Variants in RNF150 observed in about 807,000 individuals in gnomAD.
The protein encoded by RNF150 is ring finger protein 150.
Under a neutral mutation model 39.3 loss-of-function variants are expected in RNF150, and 24 were observed. That is an observed-to-expected ratio of 0.61 (90% CI 0.44 to 0.86). The LOEUF (loss-of-function observed/expected upper bound fraction) is 0.86, where lower values mean the gene tolerates loss of function less well. Ranked by LOEUF, RNF150 falls within the 40% of genes least tolerant of loss-of-function variation. RNF150 has a pLI of 0.00. For synonymous variants in RNF150, 255 were observed against 227.3 expected, an observed-to-expected ratio of 1.12 and a Z score of -1.10; for missense variants, 502 against 587.8, an observed-to-expected ratio of 0.85 and a Z score of 1.51.
At chr4:141,210,486 C>CT (rs35272487) in intron 1 of RNF150, among the ~76,000 whole-genome samples, 2,955 of 143,882 alleles carry the variant, frequency 0.021, 100 homozygotes, top group African/African-American at 0.068. Flanking sequence ...GCAGTTTCAG[C>CT]TTTTTTTTTT....
intron 1 of RNF150, among the ~76,000 whole-genome samples, chr4:141,179,309 A>G (rs926930026): frequency 2.6e-5 from 4 of 152,056 alleles, no homozygotes; most frequent in South Asian, 2.1e-4. Context: ...TCAACTTTCT[A>G]TTGGCTTTAT....
In RNF150 at chr4:140,861,389, T is replaced by C. The variant is rs1728484387; in HGVS notation, c.*6872A>G. 1 of 151,932 alleles carries C rather than the reference T, an allele frequency of 6.6e-6. No homozygotes were observed. The highest frequency in any genetic ancestry group is 1.5e-5 in the Non-Finnish European group (1 of 67,966). 9.4% of individuals were successfully genotyped at this position (151,932 alleles called of 1,614,324 possible). ...AAGATCTGTGGGGTCTCCTTCAGCT[T>C]TTTAGAGTTTGTGACACTCTTTCCT... is the stretch of plus-strand genomic sequence containing the variant. On this transcript the variant is annotated 3_prime_UTR_variant, in exon 7 of 7. Coordinates refer to ENST00000515673, the MANE Select transcript of RNF150 (RefSeq NM_020724.2).
chr4:141,015,689 T>A (rs958784573), intron 1 of RNF150, among the ~76,000 whole-genome samples: 1 of 152,202 alleles, frequency 6.6e-6, no homozygotes, highest in Non-Finnish European at 1.5e-5. Flanking sequence ...GATCATGTCA[T>A]CAGCAAATAG....
chr4:140,898,387 T>G (rs1239250234), intron 6 of RNF150, among the ~76,000 whole-genome samples: 2 of 152,112 alleles, frequency 1.3e-5, no homozygotes, highest in Non-Finnish European at 2.9e-5. Context: ...TCATCCCTGC[T>G]GAGACATGGC....
intron 4 of RNF150, among the ~76,000 whole-genome samples, chr4:140,934,452 G>A (rs188365284): frequency 1.2e-3 from 176 of 151,474 alleles, no homozygotes; most frequent in African/African-American, 3.8e-3. Context: ...ATGTGATAGA[G>A]CAAAAAAGAA....
intron 1 of RNF150, among the ~76,000 whole-genome samples, chr4:141,197,988 T>G (rs977920768): frequency 4.6e-5 from 7 of 152,128 alleles, no homozygotes; most frequent in African/African-American, 1.7e-4. Context: ...GCAATTTGAT[T>G]GCTTTTATTC....
chr4:141,166,894 T>C (rs1039544568), intron 1 of RNF150, among the ~76,000 whole-genome samples: 6 of 152,188 alleles, frequency 3.9e-5, no homozygotes, highest in African/African-American at 1.4e-4. Context: ...AAGACAAGGA[T>C]GCCCTCTCTC....
intron 1 of RNF150, among the ~76,000 whole-genome samples, chr4:141,033,732 T>C (rs1375121037): frequency 6.6e-6 from 1 of 152,156 alleles, no homozygotes; most frequent in Non-Finnish European, 1.5e-5. Flanking sequence ...TCCCTCCCCA[T>C]CTCCATCAGA....
At chr4:140,923,028 C>T (rs1731224425) in intron 5 of RNF150, among the ~76,000 whole-genome samples, 1 of 150,662 alleles carries the variant, frequency 6.6e-6, no homozygotes, top group African/African-American at 2.5e-5. Context: ...CAGAAGAAAA[C>T]CTAGGCAATA....
intron 1 of RNF150, among the ~76,000 whole-genome samples, chr4:141,129,801 ATTTC>A (rs1284060486): frequency 3.3e-5 from 5 of 152,182 alleles, no homozygotes; most frequent in Non-Finnish European, 7.3e-5. Context: ...GGACAAAACA[ATTTC>A]TATTTAATTG....
chr4:141,132,891 C>T lies in RNF150; in HGVS notation c.-83G>A, dbSNP rs560299530. Reference sequence around the variant, plus strand: ...TCCCCAGCCCCGGCCAACCCCGGGCCGCTGCCTCTCCTCCTGCTGCTGCTC... The same window carrying T: ...TCCCCAGCCCCGGCCAACCCCGGGCTGCTGCCTCTCCTCCTGCTGCTGCTC... On this transcript the variant is annotated 5_prime_UTR_variant, in exon 1 of 7. Transcript: ENST00000515673. This position sits in a 1 kb window ranked among gnomAD's most constrained non-coding sequence, Gnocchi z 4.9. 1.5e-5 allele frequency: 18 copies of T among 1,177,932 alleles called. No homozygotes were observed. The East Asian group carries it at 4.7e-4, about 31-fold the overall frequency. 73.0% of individuals were successfully genotyped at this position (1,177,932 alleles called of 1,614,324 possible). A position where few individuals can be genotyped will look rare whatever the true frequency, so the allele number is the denominator to read the frequency against.
At chr4:141,018,793 G>A (rs1419214391) in intron 1 of RNF150, among the ~76,000 whole-genome samples, 2 of 152,036 alleles carry the variant, frequency 1.3e-5, no homozygotes, top group African/African-American at 4.8e-5. Flanking sequence ...CTAGCATTCT[G>A]CAGTTATGAT....
intron 1 of RNF150, among the ~76,000 whole-genome samples, chr4:141,061,439 G>A (rs923504913): frequency 6.6e-6 from 1 of 152,148 alleles, no homozygotes; most frequent in African/African-American, 2.4e-5. Context: ...CTATTTATGT[G>A]ATAGCAACAG....
intron 1 of RNF150, among the ~76,000 whole-genome samples, chr4:141,150,463 C>T (rs1727277807): frequency 6.6e-6 from 1 of 152,154 alleles, no homozygotes; most frequent in Admixed American, 6.5e-5. Context: ...TAATAGCTTC[C>T]TACTTGGTCC....
chr4:140,983,641 G>A lies in RNF150; in HGVS notation c.485-15768C>T, dbSNP rs112255713. 3.5e-3 allele frequency among the ~76,000 whole-genome samples: 535 copies of A among 152,038 alleles called. 1 individual carries two copies. The highest frequency in any genetic ancestry group is 0.012 in the African/African-American group (508 of 41,484). Reference sequence around the variant, plus strand: ...CCTTTCCTGGGCATGCTTGTGGGGGGAATCTAGGCATGCGTGGAAAGAGAT... The same window carrying A: ...CCTTTCCTGGGCATGCTTGTGGGGGAAATCTAGGCATGCGTGGAAAGAGAT... On this transcript the variant is annotated intron_variant, in intron 1 of 6. Transcript: ENST00000515673.
At chr4:141,071,634 A>C (rs1183506661) in intron 1 of RNF150, among the ~76,000 whole-genome samples, 3 of 152,170 alleles carry the variant, frequency 2.0e-5, no homozygotes, top group African/African-American at 7.2e-5. Context: ...GAGTGTGATT[A>C]CATTCTCCAA....
chr4:141,012,289 C>A (rs531138440), intron 1 of RNF150, among the ~76,000 whole-genome samples: 1 of 152,138 alleles, frequency 6.6e-6, no homozygotes, highest in Non-Finnish European at 1.5e-5. Flanking sequence ...TGGTCCTGAC[C>A]GGGCTGGGTT....
intron 1 of RNF150, among the ~76,000 whole-genome samples, chr4:140,995,510 C>A (rs1734333545): frequency 6.6e-6 from 1 of 152,116 alleles, no homozygotes; most frequent in South Asian, 2.1e-4. Flanking sequence ...GCAGTAAATT[C>A]TAGGTGTTGC....
chr4:141,149,533 A>G (rs1727261975), intron 1 of RNF150, among the ~76,000 whole-genome samples: 1 of 152,208 alleles, frequency 6.6e-6, no homozygotes, highest in Non-Finnish European at 1.5e-5. Flanking sequence ...AATAGTCTTC[A>G]GTTCCATCCA....
Sources: gnomAD v4.1 joint callset for allele counts (sites outside exome capture counted in the v4.1 genomes callset) on GRCh38, gnomAD v4.1.1 for gene constraint, Gnocchi (gnomAD v3.1) non-coding constraint, MANE v1.5 for transcripts, NCBI Gene and HGNC (gene_info 2026-07-23, HGNC 2026-07-21) for gene names.